RAP1GDS1: variants seen among roughly 807,000 people sequenced by gnomAD.
The protein encoded by RAP1GDS1 is RAP1, GTP-GDP dissociation stimulator 1.
In RAP1GDS1, 35 loss-of-function variants were observed where a neutral mutation model predicts 71.1. The observed-to-expected ratio is 0.49, with a 90% CI of 0.38 to 0.65. The LOEUF is 0.65. Among genes scored for constraint, RAP1GDS1 ranks in the 30% least tolerant of loss-of-function variants. The probability of loss-of-function intolerance (pLI) is 0.00; values close to 1 mark genes in which losing one functional copy is unlikely to be tolerated. For missense variants in RAP1GDS1, 663 were observed against 706.1 expected, an observed-to-expected ratio of 0.94 and a Z score of 0.69; for synonymous variants, 229 against 243.1, an observed-to-expected ratio of 0.94 and a Z score of 0.54.
At chr4:98,415,147 G>A (rs772911328) in intron 7 of RAP1GDS1, among the ~76,000 whole-genome samples, 12 of 152,114 alleles carry the variant, frequency 7.9e-5, no homozygotes, top group Non-Finnish European at 1.5e-4. Flanking sequence ...TCCGTTTATA[G>A]GCTCTCTGCA....
intron 2 of RAP1GDS1, among the ~76,000 whole-genome samples, 166 bp from the exon 3 acceptor site, chr4:98,342,972 CT>C (rs1164853448): frequency 6.6e-6 from 1 of 152,072 alleles, no homozygotes; most frequent in African/African-American, 2.4e-5. Flanking sequence ...ATAAAAGCAG[CT>C]TGTGGAGCAG....
chr4:98,291,982 C>T (rs1391272486), intron 1 of RAP1GDS1, among the ~76,000 whole-genome samples: 1 of 152,162 alleles, frequency 6.6e-6, no homozygotes, highest in African/African-American at 2.4e-5. Flanking sequence ...AAAATACTCA[C>T]GTGTTTTCCA....
chr4:98,316,231 A>T (rs1316496992), intron 2 of RAP1GDS1, among the ~76,000 whole-genome samples: 3 of 152,152 alleles, frequency 2.0e-5, no homozygotes, highest in Non-Finnish European at 2.9e-5. Flanking sequence ...GGTAAGCATG[A>T]CATGAATTAT....
At chr4:98,418,426 T>TTTTTCTGGTAA (rs1374704393) in intron 9 of RAP1GDS1, among the ~76,000 whole-genome samples, 2 of 152,186 alleles carry the variant, frequency 1.3e-5, no homozygotes, top group Non-Finnish European at 2.9e-5. Context: ...AAACTAAAGA[T>TTTTTCTGGTAA]TTTTCTGGTA....
intron 8 of RAP1GDS1, 44 bp downstream of exon 8, chr4:98,416,932 G>A (rs1748121722): frequency 6.3e-7 from 1 of 1,589,306 alleles, no homozygotes; most frequent in Non-Finnish European, 8.6e-7. Context: ...GTTGTCAGAT[G>A]TTTTTAAAAT....
intron 5 of RAP1GDS1, among the ~76,000 whole-genome samples, chr4:98,382,684 A>G (rs1017785400): frequency 2.6e-5 from 4 of 151,602 alleles, no homozygotes; most frequent in African/African-American, 9.7e-5. Context: ...TTCAAATATA[A>G]CACTGTTTTA....
At chr4:98,379,778 C>T (rs1490280520) in intron 5 of RAP1GDS1, among the ~76,000 whole-genome samples, 3 of 151,836 alleles carry the variant, frequency 2.0e-5, no homozygotes, top group Non-Finnish European at 4.4e-5. Flanking sequence ...TAAGGCTTCA[C>T]AATACGTTTG....
intron 2 of RAP1GDS1, among the ~76,000 whole-genome samples, chr4:98,314,259 G>A (rs1730649918): frequency 6.6e-6 from 1 of 152,070 alleles, no homozygotes; most frequent in Admixed American, 6.6e-5. Flanking sequence ...TATAATCCAA[G>A]ACCTGATTAG....
intron 1 of RAP1GDS1, among the ~76,000 whole-genome samples, chr4:98,292,569 GAA>G (rs537889890): frequency 7.6e-6 from 1 of 131,584 alleles, no homozygotes. Context: ...TATAATAAAA[GAA>G]AAAAAAAAAA....
chr4:98,405,477 A>C (rs1409288846), intron 7 of RAP1GDS1, among the ~76,000 whole-genome samples: 1 of 152,146 alleles, frequency 6.6e-6, no homozygotes, highest in African/African-American at 2.4e-5. Flanking sequence ...AGAGGAAAAA[A>C]TGAGACATTC....
At chr4:98,303,306 A>C (rs577838813) in intron 2 of RAP1GDS1, among the ~76,000 whole-genome samples, 1 of 152,174 alleles carries the variant, frequency 6.6e-6, no homozygotes, top group African/African-American at 2.4e-5. Context: ...ACTCTTCAAC[A>C]TGGCTGTTGA....
chr4:98,267,066 A>G (rs1722796621), intron 1 of RAP1GDS1, among the ~76,000 whole-genome samples: 1 of 152,214 alleles, frequency 6.6e-6, no homozygotes, highest in African/African-American at 2.4e-5. Context: ...AAATGTTTGG[A>G]TAACTGATAA....
intron 7 of RAP1GDS1, among the ~76,000 whole-genome samples, chr4:98,405,876 A>C (rs895771798): frequency 1.3e-5 from 2 of 152,044 alleles, no homozygotes; most frequent in Non-Finnish European, 2.9e-5. Context: ...GAATATATCA[A>C]AAAAATAACT....
At chr4:98,407,267 G>A (rs1402680820) in intron 7 of RAP1GDS1, among the ~76,000 whole-genome samples, 1 of 151,170 alleles carries the variant, frequency 6.6e-6, no homozygotes, top group Non-Finnish European at 1.5e-5. Context: ...TCTAGCTAGT[G>A]GTCTATTAAT....
chr4:98,300,819 A>C (rs997544244), intron 2 of RAP1GDS1, among the ~76,000 whole-genome samples: 1 of 152,236 alleles, frequency 6.6e-6, no homozygotes, highest in Non-Finnish European at 1.5e-5. Flanking sequence ...CCAAACTCAC[A>C]ATATCTCTGA....
chr4:98,441,100 A>ATTGT (rs923445442), intron 14 of RAP1GDS1, among the ~76,000 whole-genome samples: 4 of 152,280 alleles, frequency 2.6e-5, no homozygotes. Flanking sequence ...CATTTTCAAG[A>ATTGT]TTGTTTTGGA....
At chr4:98,336,779 C>G (rs931760644) in intron 2 of RAP1GDS1, among the ~76,000 whole-genome samples, 1 of 152,088 alleles carries the variant, frequency 6.6e-6, no homozygotes, top group Non-Finnish European at 1.5e-5. Flanking sequence ...CAAACACTTT[C>G]ATTTTCTTTT....
At chr4:98,310,809 T>TA (rs148479348) in intron 2 of RAP1GDS1, among the ~76,000 whole-genome samples, 20,643 of 148,628 alleles carry the variant, frequency 0.14, 1,991 homozygotes, top group African/African-American at 0.27. Context: ...GACTTATTGC[T>TA]AAAAAAAAAA....
At chr4:98,417,230 A>G in intron 8 of RAP1GDS1, 137 bp from the exon 9 acceptor site, 1 of 926,352 alleles carries the variant, frequency 1.1e-6, no homozygotes, top group Non-Finnish European at 1.6e-6. Flanking sequence ...TATTATAAAA[A>G]GAATCATTAC....
Sources: allele counts gnomAD v4.1 joint callset (sites outside exome capture counted in the v4.1 genomes callset), GRCh38; gene constraint gnomAD v4.1.1; transcripts MANE v1.5; gene names NCBI Gene and HGNC (gene_info 2026-07-23, HGNC 2026-07-21).